Variants in ROBO2 observed in about 807,000 individuals in gnomAD.
ROBO2 encodes roundabout guidance receptor 2.
In ROBO2, 53 loss-of-function variants were observed where a neutral mutation model predicts 160.8. The observed-to-expected ratio is 0.33, with a 90% confidence interval of 0.26 to 0.41. The LOEUF (loss-of-function observed/expected upper bound fraction) is 0.41. ROBO2 is among the 10% of genes least tolerant of loss of function. ROBO2 has a pLI of 1.00. For synonymous variants in ROBO2, 664 were observed against 611.7 expected, an observed-to-expected ratio of 1.09 and a Z score of -1.26; for missense variants, 1,577 against 1,722.4, an observed-to-expected ratio of 0.92 and a Z score of 1.49.
chr3:77,293,276 TA>T (rs2153396851), intron 2 of ROBO2, among the ~76,000 whole-genome samples: 1 of 150,714 alleles, frequency 6.6e-6, no homozygotes, highest in East Asian at 2.0e-4. Context: ...AAGCTGAGGC[TA>T]GATCACCAAA....
At chr3:76,662,618 A>G (rs545503231) in intron 2 of ROBO2, among the ~76,000 whole-genome samples, 17 of 152,294 alleles carry the variant, frequency 1.1e-4, no homozygotes, top group Non-Finnish European at 2.1e-4. Context: ...ATTCAATTTC[A>G]TAAATTGCAG....
At chr3:77,320,675 GA>G (rs2064580065) in intron 2 of ROBO2, among the ~76,000 whole-genome samples, 1 of 151,740 alleles carries the variant, frequency 6.6e-6, no homozygotes, top group Non-Finnish European at 1.5e-5. Context: ...AGGACTTGTT[GA>G]ACTACAGGCA....
chr3:76,618,017 G>A (rs779459757), intron 2 of ROBO2, among the ~76,000 whole-genome samples: 5 of 151,500 alleles, frequency 3.3e-5, no homozygotes, highest in Admixed American at 1.3e-4. Flanking sequence ...TATCACCACC[G>A]AACTTCCAGG....
At chr3:76,858,876 T>A (rs1380668092) in intron 2 of ROBO2, among the ~76,000 whole-genome samples, 1 of 152,200 alleles carries the variant, frequency 6.6e-6, no homozygotes, top group Non-Finnish European at 1.5e-5. Context: ...CAGGGTCTGA[T>A]GATTACAAAA....
chr3:77,405,584 T>C (rs548979424), intron 2 of ROBO2, among the ~76,000 whole-genome samples: 1 of 152,020 alleles, frequency 6.6e-6, no homozygotes, highest in East Asian at 1.9e-4. Context: ...TTGCAATTAC[T>C]GAGTGTGGGA....
At chr3:77,325,267 C>A (rs1227686040) in intron 2 of ROBO2, among the ~76,000 whole-genome samples, 3 of 152,170 alleles carry the variant, frequency 2.0e-5, no homozygotes, top group Admixed American at 6.5e-5. Context: ...AGGGAGAAAT[C>A]TCAGTGACTG....
chr3:77,401,097 T>C (rs7426860), intron 2 of ROBO2, among the ~76,000 whole-genome samples: 6,232 of 152,178 alleles, frequency 0.041, 233 homozygotes, highest in South Asian at 0.14. Flanking sequence ...TACAAAAGCA[T>C]TGTAGAAAGA....
intron 2 of ROBO2, among the ~76,000 whole-genome samples, chr3:77,103,578 G>A (rs938255461): frequency 1.3e-5 from 2 of 152,118 alleles, no homozygotes; most frequent in Non-Finnish European, 2.9e-5. Context: ...TATGGAACTG[G>A]AAATAGATTG....
At chr3:76,553,090 A>G (rs2083509193) in intron 2 of ROBO2, among the ~76,000 whole-genome samples, 1 of 152,168 alleles carries the variant, frequency 6.6e-6, no homozygotes, top group Non-Finnish European at 1.5e-5. Context: ...TGAGCAGGAC[A>G]TAGTGTCAAC....
At chr3:76,222,912 G>A (rs557531226) in intron 2 of ROBO2, among the ~76,000 whole-genome samples, 14 of 151,970 alleles carry the variant, frequency 9.2e-5, no homozygotes, top group South Asian at 2.1e-4. Flanking sequence ...CTGCCACCAT[G>A]CCCAGCTAAC....
At chr3:76,317,419 G>T (rs1342043825) in intron 2 of ROBO2, among the ~76,000 whole-genome samples, 1 of 152,022 alleles carries the variant, frequency 6.6e-6, no homozygotes, top group Non-Finnish European at 1.5e-5. Context: ...CAAGAAATTT[G>T]GAAAACTCTG....
At chr3:76,141,076 TA>T (rs201283156) in intron 2 of ROBO2, among the ~76,000 whole-genome samples, 9 of 114,082 alleles carry the variant, frequency 7.9e-5, no homozygotes, top group South Asian at 2.9e-4. Flanking sequence ...TATATATATA[TA>T]AAATATATGT....
At chr3:77,034,764 A>T (rs1170516231) in intron 2 of ROBO2, among the ~76,000 whole-genome samples, 5 of 151,938 alleles carry the variant, frequency 3.3e-5, no homozygotes, top group African/African-American at 7.2e-5. Context: ...TCTGTTTTGG[A>T]TTTAAAATAA....
intron 2 of ROBO2, among the ~76,000 whole-genome samples, chr3:76,888,770 C>T (rs1410923841): frequency 1.3e-5 from 2 of 152,116 alleles, no homozygotes; most frequent in South Asian, 4.1e-4. Flanking sequence ...TCAGTACTAG[C>T]AAGAGTTAAG....
Position 77,563,231 on chromosome 3 carries a change from G to A in ROBO2, c.1584G>A (p.Pro528=), listed in dbSNP as rs779025170. 5.6e-6 allele frequency: 9 copies of A among 1,613,556 alleles called. No homozygotes were observed. The highest frequency in any genetic ancestry group is 5.0e-5 in the Admixed American group (3 of 59,948). Residue 528 remains proline, a synonymous_variant, in exon 11 of 26, where the codon CCG becomes CCA. Transcript: ENST00000461745. ...ACCTGCCAGGGCCACCATCCAAACCGCAGGTCACTGATGTTACTAAGAACA... is the reference window on the plus strand; with the variant it reads ...ACCTGCCAGGGCCACCATCCAAACCACAGGTCACTGATGTTACTAAGAACA...
intron 2 of ROBO2, among the ~76,000 whole-genome samples, chr3:77,110,772 C>A (rs1477422326): frequency 1.3e-5 from 2 of 151,874 alleles, no homozygotes; most frequent in Non-Finnish European, 2.9e-5. Context: ...CAGCACACTG[C>A]AGCCTTGACT....
intron 2 of ROBO2, among the ~76,000 whole-genome samples, chr3:76,978,102 T>A (rs970882138): frequency 2.6e-5 from 4 of 152,222 alleles, no homozygotes; most frequent in Admixed American, 6.5e-5. Context: ...TGGTGATTCC[T>A]ATAGTTATTT....
At chr3:76,281,814 A>T (rs565103060) in intron 2 of ROBO2, among the ~76,000 whole-genome samples, 51 of 152,128 alleles carry the variant, frequency 3.4e-4, no homozygotes, top group Non-Finnish European at 5.3e-4. Context: ...AGAGGGTATG[A>T]AAAGATTTTT....
At chr3:76,285,451 A>G (rs1289437309) in intron 2 of ROBO2, among the ~76,000 whole-genome samples, 1 of 152,118 alleles carries the variant, frequency 6.6e-6, no homozygotes, top group Non-Finnish European at 1.5e-5. Flanking sequence ...AATAGAAGCT[A>G]CAGAATATAA....
Sources: allele counts gnomAD v4.1 joint callset (sites outside exome capture counted in the v4.1 genomes callset), GRCh38; gene constraint gnomAD v4.1.1; transcripts MANE v1.5; gene names NCBI Gene and HGNC (gene_info 2026-07-23, HGNC 2026-07-21).